BCL11B: variants seen among roughly 807,000 people sequenced by gnomAD.
The protein encoded by BCL11B is B-cell lymphoma/leukemia 11B.
Under a neutral mutation model 49.9 loss-of-function variants are expected in BCL11B, and 8 were observed. The ratio of observed to expected loss-of-function variants is 0.16; its 90% confidence interval spans 0.09 to 0.29. The LOEUF (loss-of-function observed/expected upper bound fraction) is 0.29, where lower values mean the gene tolerates loss of function less well. BCL11B is among the 10% of genes least tolerant of loss of function. The probability of loss-of-function intolerance (pLI) is 1.00; values close to 1 mark genes in which losing one functional copy is unlikely to be tolerated. For synonymous variants in BCL11B, 739 were observed against 637.4 expected, an observed-to-expected ratio of 1.16 and a Z score of -2.40; for missense variants, 1,006 against 1,351.0, an observed-to-expected ratio of 0.74 and a Z score of 4.00.
chr14:99,265,868 C>T (rs1327911980), intron 1 of BCL11B, among the ~76,000 whole-genome samples: 1 of 152,196 alleles, frequency 6.6e-6, no homozygotes, highest in South Asian at 2.1e-4. Context: ...CGCAGGGTAA[C>T]CTCTTCTGCT....
At chr14:99,266,274 C>T (rs780588631) in intron 1 of BCL11B, among the ~76,000 whole-genome samples, 3 of 152,148 alleles carry the variant, frequency 2.0e-5, no homozygotes, top group Non-Finnish European at 4.4e-5. Context: ...TTTAGGTACA[C>T]GACTCCCAAA....
At chr14:99,235,296 T>A (rs1888462779) in intron 2 of BCL11B, among the ~76,000 whole-genome samples, 1 of 152,214 alleles carries the variant, frequency 6.6e-6, no homozygotes, top group Non-Finnish European at 1.5e-5. Flanking sequence ...TACATTTTTT[T>A]AAGCTGAGAA....
intron 3 of BCL11B, among the ~76,000 whole-genome samples, chr14:99,177,258 C>T (rs1197719215): frequency 6.6e-6 from 1 of 151,992 alleles, no homozygotes; most frequent in Non-Finnish European, 1.5e-5. Flanking sequence ...TCTGACAGGG[C>T]AGTCAGGATG....
chr14:99,199,640 CTGTGTGTGTGTGTGTGTGTGTG>C (rs79328426), intron 3 of BCL11B, among the ~76,000 whole-genome samples: 1 of 109,524 alleles, frequency 9.1e-6, no homozygotes, highest in African/African-American at 3.7e-5. Context: ...TGGCTAAATG[CTGTGTGTGTGTGTGTGTGTGTG>C]TGTGTGTGTG....
At chr14:99,233,640 C>T (rs890301269) in intron 2 of BCL11B, among the ~76,000 whole-genome samples, 5 of 152,168 alleles carry the variant, frequency 3.3e-5, no homozygotes, top group East Asian at 1.9e-4. Flanking sequence ...ACTCTGTCTC[C>T]GTGGTGGGAG....
chr14:99,187,960 T>C (rs1343335079), intron 3 of BCL11B, among the ~76,000 whole-genome samples: 1 of 152,206 alleles, frequency 6.6e-6, no homozygotes, highest in Admixed American at 6.5e-5. Context: ...TCCAAGGAGA[T>C]AATTGACGTT....
At chr14:99,239,378 G>A (rs1888598488) in intron 2 of BCL11B, among the ~76,000 whole-genome samples, 2 of 152,226 alleles carry the variant, frequency 1.3e-5, no homozygotes, top group Admixed American at 1.3e-4. Flanking sequence ...TAAAGTGTTA[G>A]ATAAATCATC....
intron 1 of BCL11B, chr14:99,263,352 G>C (rs920073162): frequency 1.3e-5 from 2 of 153,482 alleles, no homozygotes; most frequent in African/African-American, 4.8e-5. Context: ...ACATGTGAGA[G>C]GGAGAGCAAG....
chr14:99,267,217 G>A (rs1049088687), intron 1 of BCL11B, among the ~76,000 whole-genome samples: 1 of 151,700 alleles, frequency 6.6e-6, no homozygotes, highest in Non-Finnish European at 1.5e-5. Flanking sequence ...ATATTTCAAA[G>A]GCCAGACAAA....
At chr14:99,263,853 C>A (rs756304128) in intron 1 of BCL11B, among the ~76,000 whole-genome samples, 1 of 152,102 alleles carries the variant, frequency 6.6e-6, no homozygotes, top group African/African-American at 2.4e-5. Flanking sequence ...GAAAAAAGAA[C>A]AAGTGAATAA....
intron 3 of BCL11B, among the ~76,000 whole-genome samples, chr14:99,198,317 C>A (rs556974138): frequency 6.6e-6 from 1 of 152,330 alleles, no homozygotes; most frequent in African/African-American, 2.4e-5. Context: ...CGGTCCCTTT[C>A]CTGTGGATGC....
At chr14:99,176,478 G>T (rs1172415121) in intron 3 of BCL11B, among the ~76,000 whole-genome samples, 1 of 152,240 alleles carries the variant, frequency 6.6e-6, no homozygotes, top group African/African-American at 2.4e-5. Flanking sequence ...AAAGAAAAGG[G>T]ATTCTGATCT....
Position 99,271,362 on chromosome 14 carries a change from G to GTT in BCL11B, c.-146_-145dup. On this transcript the variant is annotated 5_prime_UTR_variant, in exon 1 of 4. Coordinates refer to ENST00000357195, the MANE Select transcript of BCL11B (RefSeq NM_138576.4). ...CACCTCCTCCTCTGCCCGGGTTGGT[G>GTT]TTTTTTTTCCCTTCCTCTCTTTCCC... 2.4e-6 allele frequency: 1 copy of GTT among 413,756 alleles called. No individual in the cohort carries two copies. Among genetic ancestry groups the GTT allele is most frequent in the Non-Finnish European group, 3.8e-6 (1 of 261,232 alleles). 25.6% of individuals were successfully genotyped at this position (413,756 alleles called of 1,614,324 possible).
chr14:99,231,446 C>G lies in BCL11B; in HGVS notation c.539G>C (p.Cys180Ser). The stretch of plus-strand genomic sequence containing the variant: ...CGCGCTGCAGCACGGCAGGGGGAGG[C>G]AGGGCGGGAGAGCGCCCAGGGCACG... ...PLRALGALPP[C>S]LPLPCCSARP... Residue 180 changes from cysteine to serine, a missense_variant, in exon 3 of 4, where the codon TGC (cysteine) becomes TCC (serine). Physicochemically the swap from Cys to Ser is moderately radical, Grantham distance 112. Coordinates refer to ENST00000357195, the MANE Select transcript of BCL11B (RefSeq NM_138576.4). This position sits in a 1 kb window ranked among gnomAD's most constrained non-coding sequence, Gnocchi z 8.1. The G allele has an allele frequency of 1.3e-6, 2 of 1,595,728 alleles. No homozygotes were observed. Among genetic ancestry groups the G allele is most frequent in the African/African-American group, 2.7e-5 (2 of 74,504 alleles).
At chr14:99,267,544 A>ACCCCC (rs57963488) in intron 1 of BCL11B, among the ~76,000 whole-genome samples, 4 of 131,862 alleles carry the variant, frequency 3.0e-5, no homozygotes, top group Non-Finnish European at 4.9e-5. Context: ...GAGGAACTTC[A>ACCCCC]CCCCCCCCCC....
At chr14:99,206,746 T>G (rs2139833003) in intron 3 of BCL11B, among the ~76,000 whole-genome samples, 1 of 152,368 alleles carries the variant, frequency 6.6e-6, no homozygotes. Flanking sequence ...TGTGCTGAAT[T>G]TATAAATTAA....
At chr14:99,202,191 T>C (rs1261563226) in intron 3 of BCL11B, among the ~76,000 whole-genome samples, 1 of 152,120 alleles carries the variant, frequency 6.6e-6, no homozygotes, top group Non-Finnish European at 1.5e-5. Flanking sequence ...GATCTCACTA[T>C]ATCGCCCAGG....
chr14:99,175,175 G>A lies in BCL11B; in HGVS notation c.1661C>T (p.Ser554Leu), dbSNP rs1166385266. ...CAGCTCCGAGTCCATGCTGAAGCTCGACTCGGGCCGGCTCTCGTTCTCCAG... is the reference window on the plus strand; with the variant it reads ...CAGCTCCGAGTCCATGCTGAAGCTCAACTCGGGCCGGCTCTCGTTCTCCAG... ...LLLENESRPESSFSMDSELSR... is the reference protein window; with the variant it reads ...LLLENESRPELSFSMDSELSR... Residue 554 changes from serine (S) to leucine (L), a missense_variant, in exon 4 of 4, where the codon TCG (serine) becomes TTG (leucine). This residue lies in a region of BCL11B where 443 missense variants were observed against 499.7 expected (regional missense o/e 0.89). Transcript: ENST00000357195. 1.9e-6 allele frequency: 3 copies of A among 1,579,820 alleles called. No homozygotes were observed. Among genetic ancestry groups the A allele is most frequent in the Non-Finnish European group, 2.6e-6 (3 of 1,165,290 alleles).
At position 99,228,817 on chromosome 14, in the gene BCL11B, C is replaced by A. The variant is rs1173070366; in HGVS notation, c.640+2528G>T. Among the ~76,000 whole-genome samples the A allele has an allele frequency of 6.6e-6, 1 of 152,238 alleles. No homozygotes were observed. Among genetic ancestry groups the A allele is most frequent in the Non-Finnish European group, 1.5e-5 (1 of 68,044 alleles). ...GTCCTCCCCACCACCAGACTGCAAGCTGCACGAGGGCAGGGACCTGCCTGC... is the reference window on the plus strand; with the variant it reads ...GTCCTCCCCACCACCAGACTGCAAGATGCACGAGGGCAGGGACCTGCCTGC... On this transcript the variant is annotated intron_variant, in intron 3 of 3. Transcript: ENST00000357195. This position sits in a 1 kb window ranked among gnomAD's most constrained non-coding sequence, Gnocchi z 4.8.
Sources: gnomAD v4.1 joint callset for allele counts (sites outside exome capture counted in the v4.1 genomes callset) on GRCh38, gnomAD v4.1.1 for gene constraint, gnomAD v4.1.1 regional missense constraint, Gnocchi (gnomAD v3.1) non-coding constraint, MANE v1.5 for transcripts, NCBI Gene and HGNC (gene_info 2026-07-23, HGNC 2026-07-21) for gene names.